PKHD1: variants seen among roughly 807,000 people sequenced by gnomAD.
PKHD1 encodes fibrocystin.
In PKHD1, 291 loss-of-function variants were observed where a neutral mutation model predicts 412.0. That is an observed-to-expected ratio of 0.71 (90% CI 0.64 to 0.78). The LOEUF (loss-of-function observed/expected upper bound fraction) is 0.78, where lower values mean the gene tolerates loss of function less well. PKHD1 is among the 30% of genes least tolerant of loss of function. The pLI is 0.00. For missense variants in PKHD1, 4,825 were observed against 4,950.7 expected (o/e 0.97, Z 0.76); for synonymous variants, 1,777 against 1,821.5 (o/e 0.98, Z 0.62).
At chr6:51,671,789 C>A (rs1270030897) in intron 60 of PKHD1, among the ~76,000 whole-genome samples, 1 of 152,108 alleles carries the variant, frequency 6.6e-6, no homozygotes, top group Non-Finnish European at 1.5e-5. Flanking sequence ...AGCTGCAGGT[C>A]TGTTGGGGTA....
chr6:51,987,799 C>CA (rs1181809581), intron 35 of PKHD1, among the ~76,000 whole-genome samples: 1 of 151,542 alleles, frequency 6.6e-6, no homozygotes, highest in Admixed American at 6.6e-5. Flanking sequence ...AGAAGACCCT[C>CA]AAGTCCCTAA....
At position 52,017,630 on chromosome 6, in the gene PKHD1, C is replaced by T. The variant is rs1369107434; in HGVS notation, c.5381-1G>A. 1.2e-6 allele frequency: 2 copies of T among 1,611,466 alleles called. No homozygotes were observed. The highest frequency in any genetic ancestry group is 1.7e-6 in the Non-Finnish European group (2 of 1,178,422). ...AGGCCACACAGGAAGGCCAAGGACA[C>T]TGCAGGAAACAGTCACCATTAGGAA... On this transcript the variant is annotated splice_acceptor_variant, in intron 33 of 66. Coordinates refer to ENST00000371117, the MANE Select transcript of PKHD1 (RefSeq NM_138694.4). LOFTEE classifies it high-confidence loss of function.
intron 32 of PKHD1, among the ~76,000 whole-genome samples, chr6:52,024,074 G>A (rs1241856943): frequency 6.6e-6 from 1 of 152,046 alleles, no homozygotes; most frequent in Non-Finnish European, 1.5e-5. Flanking sequence ...GGCAATTTTT[G>A]GTATATCTAA....
intron 37 of PKHD1, among the ~76,000 whole-genome samples, chr6:51,928,174 A>G (rs767024670): frequency 7.9e-5 from 12 of 152,172 alleles, no homozygotes; most frequent in Admixed American, 4.6e-4. Context: ...AAGTGCCTCA[A>G]GTTGAAGCTT....
chr6:51,921,572 C>T (rs952519479), intron 37 of PKHD1, among the ~76,000 whole-genome samples: 24 of 152,322 alleles, frequency 1.6e-4, no homozygotes, highest in African/African-American at 4.3e-4. Context: ...ACCAATCAGA[C>T]GTAGATTTGG....
intron 37 of PKHD1, among the ~76,000 whole-genome samples, chr6:51,921,719 C>T (rs561160054): frequency 5.3e-5 from 8 of 152,248 alleles, no homozygotes; most frequent in Admixed American, 2.0e-4. Flanking sequence ...TTGATTAAAT[C>T]GGCTACTGAA....
chr6:51,639,123 G>T (rs546113613), intron 63 of PKHD1, among the ~76,000 whole-genome samples, 167 bp from the exon 64 acceptor site: 2 of 152,228 alleles, frequency 1.3e-5, no homozygotes, highest in South Asian at 2.1e-4. Flanking sequence ...AGAACCAAAT[G>T]ACCCAAGACA....
At chr6:52,068,012 T>C (rs1358317040) in intron 11 of PKHD1, among the ~76,000 whole-genome samples, 2 of 152,050 alleles carry the variant, frequency 1.3e-5, no homozygotes, top group African/African-American at 2.4e-5. Flanking sequence ...GCTGTACAGA[T>C]ACATCATAAA....
At position 51,898,996 on chromosome 6, in the gene PKHD1, A is replaced by G. The variant is rs545811744; in HGVS notation, c.6996+4601T>C. Reference sequence around the variant, plus strand: ...AGTTGAATCTCTGAATAGACCAATAACAGGATCTGAAATTGTGGCAATAAT... The same window carrying G: ...AGTTGAATCTCTGAATAGACCAATAGCAGGATCTGAAATTGTGGCAATAAT... On this transcript the variant is annotated intron_variant, in intron 43 of 66. Coordinates refer to ENST00000371117, the MANE Select transcript of PKHD1 (RefSeq NM_138694.4). Among the ~76,000 whole-genome samples the G allele has an allele frequency of 6.0e-4, 91 of 152,328 alleles. 1 individual carries two copies. Among genetic ancestry groups the G allele is most frequent in the Middle Eastern group, 3.4e-3 (1 of 294 alleles).
intron 52 of PKHD1, among the ~76,000 whole-genome samples, chr6:51,811,237 A>T (rs1764638291): frequency 6.6e-6 from 1 of 152,200 alleles, no homozygotes; most frequent in African/African-American, 2.4e-5. Flanking sequence ...TAGGTAGGCT[A>T]TGAATTCACT....
intron 52 of PKHD1, among the ~76,000 whole-genome samples, chr6:51,816,130 G>T (rs531004668): frequency 2.6e-5 from 4 of 151,744 alleles, no homozygotes; most frequent in African/African-American, 9.7e-5. Flanking sequence ...TTAATAAATT[G>T]CTAATTACAC....
intron 46 of PKHD1, among the ~76,000 whole-genome samples, chr6:51,881,079 T>TC (rs1777256875): frequency 6.8e-6 from 1 of 147,988 alleles, no homozygotes; most frequent in South Asian, 2.1e-4. Context: ...TTCTTTCTTT[T>TC]TTTTTTTTTT....
At chr6:52,078,007 G>C (rs886635288) in intron 5 of PKHD1, among the ~76,000 whole-genome samples, 2 of 152,154 alleles carry the variant, frequency 1.3e-5, no homozygotes, top group Middle Eastern at 3.4e-3. Context: ...GAGGCAGCTG[G>C]AACAACTGAG....
chr6:51,833,125 T>A (rs897459364), intron 51 of PKHD1, among the ~76,000 whole-genome samples: 2 of 152,188 alleles, frequency 1.3e-5, no homozygotes, highest in Non-Finnish European at 2.9e-5. Flanking sequence ...AGATAAAATG[T>A]CTCTGATGCC....
chr6:51,744,274 T>C, intron 60 of PKHD1, 111 bp downstream of exon 60: 2 of 932,104 alleles, frequency 2.1e-6, no homozygotes, highest in Non-Finnish European at 3.6e-6. Context: ...ACTCCAACTC[T>C]AGAATTTAGG....
chr6:52,074,205 G>A (rs1562289856), intron 6 of PKHD1, among the ~76,000 whole-genome samples: 1 of 152,338 alleles, frequency 6.6e-6, no homozygotes, highest in South Asian at 2.1e-4. Context: ...CCAGAAGACT[G>A]AGCCTCTTTA....
intron 60 of PKHD1, among the ~76,000 whole-genome samples, chr6:51,667,551 T>G (rs1309020897): frequency 6.6e-6 from 1 of 152,050 alleles, no homozygotes; most frequent in Non-Finnish European, 1.5e-5. Context: ...TTAGTTTAAT[T>G]AGATCCCATT....
chr6:51,847,660 C>T (rs1771438085), intron 50 of PKHD1, 115 bp downstream of exon 50: 26 of 814,916 alleles, frequency 3.2e-5, no homozygotes, highest in Middle Eastern at 3.1e-4. Flanking sequence ...AACCATAACA[C>T]ACAGCTGTCC....
Position 51,649,158 on chromosome 6 carries a change from A to C in PKHD1, c.11237T>G (p.Leu3746Arg), listed in dbSNP as rs1320401077. The change falls in exon 62 of 67, where the codon CTA (leucine) becomes CGA (arginine). Residue 3746 changes from leucine (L) to arginine (R), a missense_variant. Coordinates refer to ENST00000371117, the MANE Select transcript of PKHD1 (RefSeq NM_138694.4). Reference protein sequence around the residue: ...IYIRPYALSILVQPSDGEVGN... With the variant: ...IYIRPYALSIRVQPSDGEVGN... ...CACTTCTCCATCTGAAGGCTGGACT[A>C]GGATGGAAAGTGCATAGGGCCGAAT... The C allele has an allele frequency of 3.1e-6, 5 of 1,611,236 alleles. No homozygotes were observed. In the Admixed American group the frequency reaches 8.3e-5, roughly 27 times the overall value.
Sources: allele counts gnomAD v4.1 joint callset (sites outside exome capture counted in the v4.1 genomes callset), GRCh38; gene constraint gnomAD v4.1.1; transcripts MANE v1.5; gene names NCBI Gene and HGNC (gene_info 2026-07-23, HGNC 2026-07-21).